The following DDX39A variants were observed in gnomAD, a reference collection of about 807,000 sequenced individuals.
The protein encoded by DDX39A is DExD-box helicase 39A.
In DDX39A, 13 loss-of-function variants were observed where a neutral mutation model predicts 46.3. That is an observed-to-expected ratio of 0.28 (90% CI 0.18 to 0.45). DDX39A has a LOEUF of 0.45. DDX39A is among the 20% of genes least tolerant of loss of function. The pLI is 1.00. For missense variants in DDX39A, 352 were observed against 581.8 expected (o/e 0.61, Z 4.06); for synonymous variants, 234 against 224.6 (o/e 1.04, Z -0.38).
At position 14,412,813 on chromosome 19, in the gene DDX39A, G is replaced by C; in HGVS notation, c.209-135C>G. ...CGGACAAGGCCACAGACACCTGCAGGGCTGGGGTATCCGCCTGGTCAAAGC... is the reference window on the plus strand; with the variant it reads ...CGGACAAGGCCACAGACACCTGCAGCGCTGGGGTATCCGCCTGGTCAAAGC... On this transcript the variant is annotated intron_variant, in intron 2 of 10. Transcript: ENST00000242776. This position sits in a 1 kb window ranked among gnomAD's most constrained non-coding sequence, Gnocchi z 4.4. 7.4e-7 allele frequency: 1 copy of C among 1,345,788 alleles called. No homozygotes were observed. Among genetic ancestry groups the C allele is most frequent in the South Asian group, 1.4e-5 (1 of 71,524 alleles). The allele number at this position is 1,345,788 out of a possible 1,614,324, so 83.4% of individuals were successfully genotyped here.
rs200614324 is a variant in DDX39A, at chr19:14,412,506, G to A, written c.336+45C>T. 6.0e-5 allele frequency: 95 copies of A among 1,584,724 alleles called. No homozygotes were observed. Among genetic ancestry groups the A allele is most frequent in the African/African-American group, 5.4e-5 (4 of 74,714 alleles). ...ACCCCATCCAGCCTACTCTACTTCC[G>A]CCGCCACAGGCAGGGTGGGGCCAGG... is the stretch of plus-strand genomic sequence containing the variant. On this transcript the variant is annotated intron_variant, in intron 3 of 10. Transcript: ENST00000242776. This position sits in a 1 kb window ranked among gnomAD's most constrained non-coding sequence, Gnocchi z 4.4.
rs370976136 is a variant in DDX39A, at chr19:14,409,005, C to A, written c.1267+32G>T. ...AAGGGCCGGGGGAGGAACCCTCTGC[C>A]CCAGACCCCTGGCCCTGCCCAAGGC... On this transcript the variant is annotated intron_variant, in intron 10 of 10. Transcript: ENST00000242776. The surrounding 1 kb of genome is among the most constrained non-coding windows in gnomAD (Gnocchi z 8.3). 6.2e-7 allele frequency: 1 copy of A among 1,613,612 alleles called. No individual in the cohort carries two copies. Among genetic ancestry groups the A allele is most frequent in the Admixed American group, 1.7e-5 (1 of 59,968 alleles).
intron 1 of DDX39A, 134 bp from the exon 2 acceptor site, chr19:14,413,358 G>T: frequency 1.3e-6 from 1 of 773,874 alleles, no homozygotes; most frequent in Non-Finnish European, 2.0e-6. Context: ...TCGCAGCTTC[G>T]CCCTGTCTCC....
At chr19:14,418,120 C>CA (rs60701169) in intron 1 of DDX39A, among the ~76,000 whole-genome samples, 1,974 of 51,886 alleles carry the variant, frequency 0.038, 88 homozygotes, top group Non-Finnish European at 0.045. Context: ...GGCTCTGTCT[C>CA]AAAAAAAAAA....
chr19:14,410,421 C>T lies in DDX39A; in HGVS notation c.614-87G>A. Reference sequence around the variant, plus strand: ...AGACCAGACCCAGACCCCTCCCAACCTGTGCCAGGGAGCCAGTGGCACCGT... The same window carrying T: ...AGACCAGACCCAGACCCCTCCCAACTTGTGCCAGGGAGCCAGTGGCACCGT... On this transcript the variant is annotated intron_variant, in intron 5 of 10. Coordinates refer to ENST00000242776, the MANE Select transcript of DDX39A (RefSeq NM_005804.4). This position sits in a 1 kb window ranked among gnomAD's most constrained non-coding sequence, Gnocchi z 4.3. The T allele has an allele frequency of 8.3e-7, 1 of 1,202,686 alleles. No homozygotes were observed. The highest frequency in any genetic ancestry group is 1.7e-5 in the Admixed American group (1 of 58,260). The allele number at this position is 1,202,686 out of a possible 1,614,324, so 74.5% of individuals were successfully genotyped here.
At chr19:14,413,362 T>C in intron 1 of DDX39A, 138 bp from the exon 2 acceptor site, 1 of 732,230 alleles carries the variant, frequency 1.4e-6, no homozygotes, top group African/African-American at 1.8e-5. Flanking sequence ...AGCTTCGCCC[T>C]GTCTCCACCT....
Position 14,410,158 on chromosome 19 carries a change from G to A in DDX39A, c.732+58C>T. On this transcript the variant is annotated intron_variant, in intron 6 of 10. Transcript: ENST00000242776. This position sits in a 1 kb window ranked among gnomAD's most constrained non-coding sequence, Gnocchi z 4.3. ...CCATGTGGGCCGTGCGGGTGTCCTG[G>A]GGCCCCAGGCTCCAGGCCCCTGGGG... The A allele has an allele frequency of 2.0e-6, 3 of 1,530,536 alleles. No homozygotes were observed. The highest frequency in any genetic ancestry group is 2.7e-6 in the Non-Finnish European group (3 of 1,106,796). The allele number at this position is 1,530,536 out of a possible 1,614,324, so 94.8% of individuals were successfully genotyped here. A position where few individuals can be genotyped will look rare whatever the true frequency, so the allele number is the denominator to read the frequency against.
chr19:14,410,982 G>A lies in DDX39A; in HGVS notation c.613+7C>T, dbSNP rs758059757. On this transcript the variant is annotated splice_region_variant and intron_variant, in intron 5 of 10. Coordinates refer to ENST00000242776, the MANE Select transcript of DDX39A (RefSeq NM_005804.4). This position sits in a 1 kb window ranked among gnomAD's most constrained non-coding sequence, Gnocchi z 4.3. ...CTCAGCTGGGGCTGCAAGGGCAGAG[G>A]ACTCACCCAGCTGCTCCAGCATCTT... The A allele has an allele frequency of 6.4e-7, 1 of 1,560,154 alleles. No individual in the cohort carries two copies. Among genetic ancestry groups the A allele is most frequent in the Admixed American group, 1.9e-5 (1 of 53,958 alleles).
In DDX39A at chr19:14,409,391, T is replaced by C. The variant is rs768663773; in HGVS notation, c.1031A>G (p.Asn344Ser). The C allele has an allele frequency of 1.4e-5, 22 of 1,614,064 alleles. No individual in the cohort carries two copies. Among genetic ancestry groups the C allele is most frequent in the East Asian group, 2.2e-5 (1 of 44,898 alleles). ...GATGTCCATCCCCCGGCCAAACAGATTGGTGGCCACCAGGATCCGCCGCTG... is the reference window on the plus strand; with the variant it reads ...GATGTCCATCCCCCGGCCAAACAGACTGGTGGCCACCAGGATCCGCCGCTG... ...DFQRRILVATNLFGRGMDIER... is the reference protein window; with the variant it reads ...DFQRRILVATSLFGRGMDIER... Residue 344 changes from asparagine (N) to serine (S), a missense_variant, in exon 9 of 11, where the codon AAT becomes AGT. Asn to Ser is a conservative substitution (Grantham distance 46, BLOSUM62 1). Around this residue, in one of 3 missense-constraint regions of DDX39A, gnomAD observed 301 missense variants for 469.9 expected, o/e 0.64. Coordinates refer to ENST00000242776, the MANE Select transcript of DDX39A (RefSeq NM_005804.4). This position sits in a 1 kb window ranked among gnomAD's most constrained non-coding sequence, Gnocchi z 8.3.
In DDX39A at chr19:14,409,982, C is replaced by T. The variant is rs2146385774; in HGVS notation, c.733-109G>A. On this transcript the variant is annotated intron_variant, in intron 6 of 10. Coordinates refer to ENST00000242776, the MANE Select transcript of DDX39A (RefSeq NM_005804.4). The surrounding 1 kb of genome is among the most constrained non-coding windows in gnomAD (Gnocchi z 8.3). ...CTTTGTGCGACACTTCCCAGAGGACCTGCTGCACCAGACCTCAGTAAACAT... is the reference window on the plus strand; with the variant it reads ...CTTTGTGCGACACTTCCCAGAGGACTTGCTGCACCAGACCTCAGTAAACAT... 1.4e-6 allele frequency: 2 copies of T among 1,385,212 alleles called. No homozygotes were observed. Among genetic ancestry groups the T allele is most frequent in the East Asian group, 2.3e-5 (1 of 43,832 alleles). 85.8% of individuals were successfully genotyped at this position (1,385,212 alleles called of 1,614,324 possible).
At chr19:14,418,135 A>C (rs1976889934) in intron 1 of DDX39A, among the ~76,000 whole-genome samples, 1 of 151,280 alleles carries the variant, frequency 6.6e-6, no homozygotes, top group African/African-American at 2.4e-5. Context: ...AAAAAAAAAA[A>C]AAAAAAAAAA....
In DDX39A at chr19:14,411,683, CT is replaced by C; in HGVS notation, c.337-86del. ...CCAGAGTCCACCCAACCCAGTCCCC[CT>C]GACACTGCACCCAACATCACAGGCC... is the stretch of plus-strand genomic sequence containing the variant. On this transcript the variant is annotated intron_variant, in intron 3 of 10. Transcript: ENST00000242776. The surrounding 1 kb of genome is among the most constrained non-coding windows in gnomAD (Gnocchi z 4.1). The C allele has an allele frequency of 2.5e-6, 3 of 1,199,038 alleles. No homozygotes were observed. Among genetic ancestry groups the C allele is most frequent in the Non-Finnish European group, 3.6e-6 (3 of 822,634 alleles). The allele number at this position is 1,199,038 out of a possible 1,614,324, so 74.3% of individuals were successfully genotyped here. A position where few individuals can be genotyped will look rare whatever the true frequency, so the allele number is the denominator to read the frequency against.
At position 14,409,537 on chromosome 19, in the gene DDX39A, G is replaced by A. The variant is rs1278206404; in HGVS notation, c.973C>T (p.Arg325Cys). The A allele has an allele frequency of 3.7e-6, 6 of 1,608,490 alleles. No individual in the cohort carries two copies. The highest frequency in any genetic ancestry group is 5.1e-6 in the Non-Finnish European group (6 of 1,178,336). Reference sequence around the variant, plus strand: ...CCTTGGCGGGCGGCTCGCACTCACCGCTCCTCCTGGGCCATGCCCCGGTGG... The same window carrying A: ...CCTTGGCGGGCGGCTCGCACTCACCACTCCTCCTGGGCCATGCCCCGGTGG... ...AIHRGMAQEE[R>C]LSRYQQFKDF... Residue 325 changes from arginine to cysteine, a missense_variant and splice_region_variant, in exon 8 of 11, where the codon CGC (arginine) becomes TGC (cysteine). Around this residue, in one of 3 missense-constraint regions of DDX39A, gnomAD observed 301 missense variants for 469.9 expected, o/e 0.64. Transcript: ENST00000242776. The surrounding 1 kb of genome is among the most constrained non-coding windows in gnomAD (Gnocchi z 8.3).
Position 14,409,068 on chromosome 19 carries a change from T to C in DDX39A, c.1236A>G (p.Glu412=), listed in dbSNP as rs763054878. 21 of 1,614,062 alleles carry C rather than the reference T, an allele frequency of 1.3e-5. No individual in the cohort carries two copies. The highest frequency in any genetic ancestry group is 1.7e-5 in the Non-Finnish European group (20 of 1,180,026). ...TGGAGATGTCGATTTCCTCTGGAAG[T>C]TCTGCCACATTAACTTCAAACCGGT... ...VQDRFEVNVA[E]LPEEIDISTY... is the part of the protein sequence containing the mutation. The change falls in exon 10 of 11, where the codon GAA becomes GAG. Residue 412 remains glutamate, a synonymous_variant. Coordinates refer to ENST00000242776, the MANE Select transcript of DDX39A (RefSeq NM_005804.4). The surrounding 1 kb of genome is among the most constrained non-coding windows in gnomAD (Gnocchi z 8.3).
At position 14,412,637 on chromosome 19, in the gene DDX39A, C is replaced by T. The variant is rs948792548; in HGVS notation, c.250G>A (p.Val84Ile). ...ATCCCGGACTTGGCCTGGCACAGGA[C>T]GTCCATGCCCAGGATGGCCTGGGGA... ...CIPQAILGMDVLCQAKSGMGK... is the reference protein window; with the variant it reads ...CIPQAILGMDILCQAKSGMGK... Residue 84 changes from valine to isoleucine, a missense_variant, in exon 3 of 11, where the codon GTC becomes ATC. By Grantham distance (29) the Val-to-Ile change is conservative. Transcript: ENST00000242776. This position sits in a 1 kb window ranked among gnomAD's most constrained non-coding sequence, Gnocchi z 4.4. The T allele has an allele frequency of 3.2e-5, 52 of 1,609,798 alleles. No individual in the cohort carries two copies. The highest frequency in any genetic ancestry group is 4.3e-5 in the Non-Finnish European group (51 of 1,179,990).
At chr19:14,417,994 C>G (rs1976881299) in intron 1 of DDX39A, among the ~76,000 whole-genome samples, 2 of 151,904 alleles carry the variant, frequency 1.3e-5, no homozygotes, top group Non-Finnish European at 1.5e-5. Flanking sequence ...CATGGTGAAA[C>G]CCCGTCTCTA....
In DDX39A at chr19:14,410,763, T is replaced by C; in HGVS notation, c.613+226A>G. 1 of 552,328 alleles carries C rather than the reference T, an allele frequency of 1.8e-6. No individual in the cohort carries two copies. Among genetic ancestry groups the C allele is most frequent in the Non-Finnish European group, 3.2e-6 (1 of 310,152 alleles). The allele number at this position is 552,328 out of a possible 1,614,324, so 34.2% of individuals were successfully genotyped here. A position where few individuals can be genotyped will look rare whatever the true frequency, so the allele number is the denominator to read the frequency against. On this transcript the variant is annotated intron_variant, in intron 5 of 10. Coordinates refer to ENST00000242776, the MANE Select transcript of DDX39A (RefSeq NM_005804.4). The surrounding 1 kb of genome is among the most constrained non-coding windows in gnomAD (Gnocchi z 4.3). Reference sequence around the variant, plus strand: ...TCATACTCCCAGAGGTATGTGTGCATGCCTTTACGTCCAGGAGGGACGGGG... The same window carrying C: ...TCATACTCCCAGAGGTATGTGTGCACGCCTTTACGTCCAGGAGGGACGGGG...
rs369375673 is a variant in DDX39A at position 14,409,713 on chromosome 19, G to C, written c.864+29C>G. ...CCCAGTGACCTCCCGAAGGTCCTGA[G>C]CCCCAGGACAGGCTGATGGAAGTAT... On this transcript the variant is annotated intron_variant, in intron 7 of 10. Coordinates refer to ENST00000242776, the MANE Select transcript of DDX39A (RefSeq NM_005804.4). The surrounding 1 kb of genome is among the most constrained non-coding windows in gnomAD (Gnocchi z 8.3). 2.2e-5 allele frequency: 36 copies of C among 1,613,468 alleles called. No individual in the cohort carries two copies. The African/African-American group carries it at 2.8e-4, about 13-fold the overall frequency.
chr19:14,417,939 C>T (rs975223319), intron 1 of DDX39A, among the ~76,000 whole-genome samples: 3 of 151,796 alleles, frequency 2.0e-5, no homozygotes, highest in Middle Eastern at 3.2e-3. Flanking sequence ...GGAGGCGAAG[C>T]GGGCGGATCA....
Sources: gnomAD v4.1 joint callset for allele counts (sites outside exome capture counted in the v4.1 genomes callset) on GRCh38, gnomAD v4.1.1 for gene constraint, gnomAD v4.1.1 regional missense constraint, Gnocchi (gnomAD v3.1) non-coding constraint, MANE v1.5 for transcripts, NCBI Gene and HGNC (gene_info 2026-07-23, HGNC 2026-07-21) for gene names.